Variants in CDH15 observed in about 807,000 individuals in gnomAD.
CDH15 encodes cadherin 15, also known as cadherin-15.
A neutral mutation model predicts 69.4 loss-of-function variants in CDH15; 73 were observed. That is an observed-to-expected ratio of 1.05 (90% CI 0.87 to 1.28). The LOEUF (loss-of-function observed/expected upper bound fraction) is 1.28, where lower values mean the gene tolerates loss of function less well. Ranked by LOEUF, CDH15 falls within the 50% of genes most tolerant of loss-of-function variation. The pLI is 0.00. For missense variants in CDH15, 1,343 were observed against 1,133.6 expected (o/e 1.18, Z -2.65); for synonymous variants, 624 against 507.7 (o/e 1.23, Z -3.08).
intron 6 of CDH15, 36 bp downstream of exon 6, chr16:89,187,593 G>T: frequency 1.2e-6 from 2 of 1,612,014 alleles, no homozygotes; most frequent in Non-Finnish European, 1.7e-6. Flanking sequence ...AGTAGCCCCT[G>T]CTTAGAGCTG....
At chr16:89,176,524 G>A (rs1365873552) in intron 1 of CDH15, among the ~76,000 whole-genome samples, 1 of 152,196 alleles carries the variant, frequency 6.6e-6, no homozygotes, top group African/African-American at 2.4e-5. Flanking sequence ...CGCTCACCAG[G>A]GCCGACTCGG....
At chr16:89,189,123 C>A (rs1166932342) in intron 7 of CDH15, among the ~76,000 whole-genome samples, 11 of 137,176 alleles carry the variant, frequency 8.0e-5, no homozygotes, top group African/African-American at 3.1e-4. Context: ...GCACAGGTGC[C>A]CACACAAAGA....
intron 1 of CDH15, among the ~76,000 whole-genome samples, chr16:89,175,416 A>G (rs1339225493): frequency 6.6e-6 from 1 of 152,246 alleles, no homozygotes; most frequent in Non-Finnish European, 1.5e-5. Flanking sequence ...CATGCGGTTC[A>G]GAGCCTAATC....
chr16:89,179,018 G>A (rs552289991), intron 1 of CDH15, among the ~76,000 whole-genome samples: 5 of 152,320 alleles, frequency 3.3e-5, no homozygotes, highest in African/African-American at 7.2e-5. Context: ...CTGTGTCCCC[G>A]CCGGGTGAAT....
intron 6 of CDH15, 91 bp downstream of exon 6, chr16:89,187,648 G>T: frequency 6.5e-7 from 1 of 1,547,074 alleles, no homozygotes; most frequent in South Asian, 1.1e-5. Flanking sequence ...GCTTCATGAT[G>T]GGGCAGGAGG....
At chr16:89,191,028 G>A (rs1371663635) in intron 8 of CDH15, among the ~76,000 whole-genome samples, 1 of 149,058 alleles carries the variant, frequency 6.7e-6, no homozygotes, top group Non-Finnish European at 1.5e-5. Context: ...CACATGTGTG[G>A]TACATGCGTG....
In CDH15 at chr16:89,193,971, T is replaced by C. The variant is rs955001023; in HGVS notation, c.2151+58T>C. 50 of 1,571,230 alleles carry C rather than the reference T, an allele frequency of 3.2e-5. No homozygotes were observed. The South Asian group carries it at 5.4e-4, about 17-fold the overall frequency. On this transcript the variant is annotated intron_variant, in intron 13 of 13. Coordinates refer to ENST00000289746, the MANE Select transcript of CDH15 (RefSeq NM_004933.3). ...AGGCACGCACAGGTGCACACACACATGCACATGTACACACCTGCACATGCA... is the reference window on the plus strand; with the variant it reads ...AGGCACGCACAGGTGCACACACACACGCACATGTACACACCTGCACATGCA...
chr16:89,193,335 ACT>A (rs769972431), intron 11 of CDH15, 133 bp from the exon 12 acceptor site: 13 of 398,354 alleles, frequency 3.3e-5, no homozygotes, highest in South Asian at 6.9e-5. Context: ...CCTTTCCCCA[ACT>A]GCCGCCCCCT....
At chr16:89,183,775 T>C (rs1335677716) in intron 4 of CDH15, 83 bp downstream of exon 4, 2 of 1,405,630 alleles carry the variant, frequency 1.4e-6, no homozygotes, top group African/African-American at 2.9e-5. Context: ...AAGCAAGAAT[T>C]CCAGAGGCCC....
At chr16:89,173,992 C>G (rs1915208456) in intron 1 of CDH15, among the ~76,000 whole-genome samples, 1 of 151,118 alleles carries the variant, frequency 6.6e-6, no homozygotes, top group African/African-American at 2.5e-5. Context: ...CTCTGGGAGA[C>G]AGTCAGCAGC....
intron 4 of CDH15, among the ~76,000 whole-genome samples, chr16:89,184,596 G>A (rs997644864): frequency 6.6e-6 from 1 of 152,054 alleles, no homozygotes; most frequent in African/African-American, 2.4e-5. Context: ...CAGCCTGCCC[G>A]CGCATCCTCT....
In CDH15 at chr16:89,180,974, C is replaced by CTTTTTTTTTTTTTT. The variant is rs770080908; in HGVS notation, c.357+632_357+633insTTTTTTTTTTTTTT. ...TCCTGAGTGAGCCACCGCGCCCGAC[C>CTTTTTTTTTTTTTT]TTTTTTTTTTTTTGAGATGGAGCTT... On this transcript the variant is annotated intron_variant, in intron 3 of 13. Coordinates refer to ENST00000289746, the MANE Select transcript of CDH15 (RefSeq NM_004933.3). Among the ~76,000 whole-genome samples the CTTTTTTTTTTTTTT allele has an allele frequency of 5.2e-4, 50 of 96,992 alleles. 9 individuals are homozygous for CTTTTTTTTTTTTTT. The East Asian group carries it at 8.9e-3, about 17-fold the overall frequency. The allele number at this position is 96,992 out of a possible 152,430, so 63.6% of individuals were successfully genotyped here.
chr16:89,181,843 G>T (rs1386107117), intron 3 of CDH15, among the ~76,000 whole-genome samples: 1 of 151,886 alleles, frequency 6.6e-6, no homozygotes, highest in African/African-American at 2.4e-5. Flanking sequence ...GGAGGCTGAG[G>T]CAGGAGAATC....
chr16:89,179,455 C>A lies in CDH15; in HGVS notation c.82C>A (p.Pro28Thr). ...LSLGVPGWRR[P>T]TTLYPWRRAP... The stretch of plus-strand genomic sequence containing the variant: ...TTTGGGGGTTCCTGGATGGAGGAGG[C>A]CCACCACCCTGTACCCCTGGCGCCG... The change falls in exon 2 of 14, where the codon CCC (proline) becomes ACC (threonine). Residue 28 changes from proline to threonine, a missense_variant. Pro to Thr is a conservative substitution (Grantham distance 38, BLOSUM62 -1). Transcript: ENST00000289746. 1 of 1,613,484 alleles carries A rather than the reference C, an allele frequency of 6.2e-7. No homozygotes were observed. The highest frequency in any genetic ancestry group is 8.5e-7 in the Non-Finnish European group (1 of 1,179,872).
intron 13 of CDH15, among the ~76,000 whole-genome samples, 177 bp downstream of exon 13, chr16:89,194,090 A>G (rs1015378475): frequency 1.3e-5 from 2 of 152,214 alleles, no homozygotes; most frequent in Non-Finnish European, 2.9e-5. Context: ...CCCCGCTGCC[A>G]CCGTCCAAAC....
At chr16:89,174,693 A>C (rs1915222294) in intron 1 of CDH15, among the ~76,000 whole-genome samples, 2 of 152,276 alleles carry the variant, frequency 1.3e-5, no homozygotes, top group South Asian at 4.1e-4. Flanking sequence ...CTCTTGGCTA[A>C]GGGTCCAGTC....
At chr16:89,175,177 C>T (rs570286492) in intron 1 of CDH15, among the ~76,000 whole-genome samples, 7 of 152,320 alleles carry the variant, frequency 4.6e-5, no homozygotes, top group African/African-American at 1.7e-4. Flanking sequence ...TGACCACACC[C>T]GGCCCAGCGT....
chr16:89,179,371 G>T, intron 1 of CDH15, 45 bp from the exon 2 acceptor site: 3 of 1,611,090 alleles, frequency 1.9e-6, no homozygotes, highest in Non-Finnish European at 2.5e-6. Context: ...TGCCGCCCAG[G>T]GCTCCAGGAG....
At chr16:89,192,091 G>T (rs566167227) in intron 10 of CDH15, 114 bp from the exon 11 acceptor site, 3 of 1,345,990 alleles carry the variant, frequency 2.2e-6, no homozygotes, top group Admixed American at 5.0e-5. Context: ...CGGTGGGGGT[G>T]GGGGGGACCC....
Sources: allele counts gnomAD v4.1 joint callset (sites outside exome capture counted in the v4.1 genomes callset), GRCh38; gene constraint gnomAD v4.1.1; transcripts MANE v1.5; gene names NCBI Gene and HGNC (gene_info 2026-07-23, HGNC 2026-07-21).